Variants in CMC1 observed in about 807,000 individuals in gnomAD.
CMC1 encodes C-X9-C motif containing 1.
A neutral mutation model predicts 14.1 loss-of-function variants in CMC1; 14 were observed. That is an observed-to-expected ratio of 0.99 (90% CI 0.66 to 1.55). CMC1 has a LOEUF of 1.55. Ranked by LOEUF, CMC1 falls within the 40% of genes most tolerant of loss-of-function variation. The pLI is 0.00. For missense variants in CMC1, 127 were observed against 123.8 expected (o/e 1.03, Z -0.12); for synonymous variants, 50 against 38.4 (o/e 1.30, Z -1.12).
chr3:28,279,360 T>A (rs1700749959), intron 2 of CMC1, among the ~76,000 whole-genome samples: 1 of 152,034 alleles, frequency 6.6e-6, no homozygotes, highest in African/African-American at 2.4e-5. Flanking sequence ...AAGAAAAAAA[T>A]TATTCAGAAA....
chr3:28,316,260 G>A, intron 2 of CMC1, 73 bp from the exon 3 acceptor site: 1 of 715,446 alleles, frequency 1.4e-6, no homozygotes, highest in Non-Finnish European at 2.2e-6. Context: ...TTTCTAAAAA[G>A]AAGAAAATTG....
rs144903855 is a variant in CMC1 at position 28,286,358 on chromosome 3, A to G, written c.109+22978A>G. Among the ~76,000 whole-genome samples the G allele has an allele frequency of 3.8e-4, 58 of 152,234 alleles. No individual in the cohort carries two copies. The East Asian group carries it at 8.5e-3, about 22-fold the overall frequency. Reference sequence around the variant, plus strand: ...TTTTTCCTGTAGTGTTTTATACTGGATAGTTTATATAGGGTTGTTATTGAA... The same window carrying G: ...TTTTTCCTGTAGTGTTTTATACTGGGTAGTTTATATAGGGTTGTTATTGAA... On this transcript the variant is annotated intron_variant, in intron 2 of 3. Coordinates refer to ENST00000466830, the MANE Select transcript of CMC1 (RefSeq NM_182523.2).
Position 28,316,365 on chromosome 3 carries a change from C to T in CMC1, c.142C>T (p.Leu48Phe), listed in dbSNP as rs189106921. Residue 48 changes from leucine (L) to phenylalanine (F), a missense_variant, in exon 3 of 4, where the codon CTT becomes TTT. Transcript: ENST00000466830. ...CAAATGTTGCAAGAACTCTGGAGTTCTTATGGTAGTAAAATGCCGGAAAGA... is the reference window on the plus strand; with the variant it reads ...CAAATGTTGCAAGAACTCTGGAGTTTTTATGGTAGTAAAATGCCGGAAAGA... The part of the protein sequence containing the change: ...FTKCCKNSGV[L>F]MVVKCRKENS... 3 of 1,590,004 alleles carry T rather than the reference C, an allele frequency of 1.9e-6. No individual in the cohort carries two copies. The highest frequency in any genetic ancestry group is 1.7e-6 in the Non-Finnish European group (2 of 1,170,340).
At chr3:28,312,864 AT>A (rs1173449498) in intron 2 of CMC1, among the ~76,000 whole-genome samples, 4 of 150,122 alleles carry the variant, frequency 2.7e-5, no homozygotes, top group Non-Finnish European at 3.0e-5. Context: ...TTTTTTTTAA[AT>A]TTTTTTTTTG....
chr3:28,316,124 G>A (rs955460855), intron 2 of CMC1: 1 of 365,342 alleles, frequency 2.7e-6, no homozygotes, highest in Non-Finnish European at 4.9e-6. Context: ...TTTTACTGGT[G>A]TACATGTCTT....
chr3:28,302,201 T>C (rs1702089389), intron 2 of CMC1, among the ~76,000 whole-genome samples: 1 of 152,216 alleles, frequency 6.6e-6, no homozygotes, highest in African/African-American at 2.4e-5. Flanking sequence ...CAGGTTCGTT[T>C]ATTACTTGTG....
In CMC1 at chr3:28,316,337, T is replaced by C. The variant is rs920100773; in HGVS notation, c.114T>C (p.Phe38=). 1 of 1,550,082 alleles carries C rather than the reference T, an allele frequency of 6.5e-7. No individual in the cohort carries two copies. The highest frequency in any genetic ancestry group is 1.4e-5 in the African/African-American group (1 of 72,244). The change falls in exon 3 of 4, where the codon TTT becomes TTC. Residue 38 remains phenylalanine (F), a synonymous_variant. Transcript: ENST00000466830. ...TTCCTTCCAAATTTATTTCAGATTT[T>C]ACCAAATGTTGCAAGAACTCTGGAG... is the stretch of plus-strand genomic sequence containing the variant. ...KERCSEQVQD[F]TKCCKNSGVL... is the part of the protein sequence containing the mutation.
intron 2 of CMC1, among the ~76,000 whole-genome samples, chr3:28,273,974 A>G (rs115972465): frequency 4.6e-4 from 70 of 152,152 alleles, no homozygotes; most frequent in African/African-American, 1.7e-3. Flanking sequence ...TTTTGAGCCT[A>G]TGTGTGCCTT....
intron 2 of CMC1, among the ~76,000 whole-genome samples, chr3:28,293,163 G>A (rs1701563058): frequency 6.6e-6 from 1 of 152,084 alleles, no homozygotes; most frequent in Non-Finnish European, 1.5e-5. Flanking sequence ...ATTTCATATA[G>A]TTCTGTTTTC....
intron 1 of CMC1, among the ~76,000 whole-genome samples, chr3:28,262,427 G>A (rs551619240): frequency 5.9e-5 from 9 of 151,776 alleles, no homozygotes; most frequent in Admixed American, 3.3e-4. Flanking sequence ...TTTTTCACCC[G>A]TGGCCTGAAG....
intron 2 of CMC1, among the ~76,000 whole-genome samples, chr3:28,266,665 A>G (rs1424440186): frequency 6.6e-6 from 1 of 152,134 alleles, no homozygotes; most frequent in African/African-American, 2.4e-5. Flanking sequence ...TGAAGAGAAG[A>G]ATAGTGCTTA....
At chr3:28,254,506 G>A (rs530252976) in intron 1 of CMC1, among the ~76,000 whole-genome samples, 118 of 152,192 alleles carry the variant, frequency 7.8e-4, no homozygotes, top group African/African-American at 2.6e-3. Context: ...TTAGAAGAAG[G>A]ATCAGATGTC....
At chr3:28,297,200 G>C (rs949823198) in intron 2 of CMC1, 5 of 152,066 alleles carry the variant, frequency 3.3e-5, no homozygotes, top group Admixed American at 6.6e-5. Flanking sequence ...CCTTTATAAA[G>C]TAGCATCCAT....
chr3:28,288,057 C>T (rs1016170481), intron 2 of CMC1, among the ~76,000 whole-genome samples: 5 of 151,782 alleles, frequency 3.3e-5, no homozygotes, highest in Non-Finnish European at 5.9e-5. Flanking sequence ...ATACCACATA[C>T]GACAATGCAG....
At chr3:28,301,640 TA>T (rs150985397) in intron 2 of CMC1, among the ~76,000 whole-genome samples, 12 of 150,858 alleles carry the variant, frequency 8.0e-5, no homozygotes, top group African/African-American at 9.8e-5. Flanking sequence ...TTTTTTTTTT[TA>T]AAAAAATAGG....
chr3:28,320,938 C>T lies in CMC1; in HGVS notation c.*1309C>T, dbSNP rs919407337. 1.3e-5 allele frequency: 2 copies of T among 151,228 alleles called. No homozygotes were observed. The highest frequency in any genetic ancestry group is 3.0e-5 in the Non-Finnish European group (2 of 67,554). 9.4% of individuals were successfully genotyped at this position (151,228 alleles called of 1,614,324 possible). A position where few individuals can be genotyped will look rare whatever the true frequency, so the allele number is the denominator to read the frequency against. On this transcript the variant is annotated 3_prime_UTR_variant, in exon 4 of 4. Transcript: ENST00000466830. The stretch of plus-strand genomic sequence containing the variant: ...TAAAATCACAAATAGAAATTACTAC[C>T]CACTAAGACAAGGTTTAACTTTCCC...
chr3:28,247,782 AGT>A (rs1698902038), intron 1 of CMC1, among the ~76,000 whole-genome samples: 2 of 152,308 alleles, frequency 1.3e-5, no homozygotes, highest in East Asian at 3.9e-4. Context: ...CATCCAGTAA[AGT>A]GTCACAGGTT....
chr3:28,274,886 C>T (rs984522200), intron 2 of CMC1, among the ~76,000 whole-genome samples: 1 of 152,090 alleles, frequency 6.6e-6, no homozygotes, highest in African/African-American at 2.4e-5. Context: ...GAAATTCTTC[C>T]TTTCAGCTAT....
chr3:28,301,395 A>T (rs994151139), intron 2 of CMC1, among the ~76,000 whole-genome samples: 1 of 151,948 alleles, frequency 6.6e-6, no homozygotes, highest in Admixed American at 6.6e-5. Context: ...AATTTTTAAA[A>T]TTATTTGTAG....
Sources: gnomAD v4.1 joint callset for allele counts (sites outside exome capture counted in the v4.1 genomes callset) on GRCh38, gnomAD v4.1.1 for gene constraint, MANE v1.5 for transcripts, NCBI Gene and HGNC (gene_info 2026-07-23, HGNC 2026-07-21) for gene names.